IL1RAPL1: variants seen among roughly 807,000 people sequenced by gnomAD.
IL1RAPL1 encodes interleukin 1 receptor accessory protein like 1.
A neutral mutation model predicts 48.4 loss-of-function variants in IL1RAPL1; 3 were observed. The ratio of observed to expected loss-of-function variants is 0.06; its 90% CI spans 0.03 to 0.16. IL1RAPL1 has a LOEUF of 0.16. Among genes scored for constraint, IL1RAPL1 ranks in the 10% least tolerant of loss-of-function variants. The pLI is 1.00. For missense variants in IL1RAPL1, 349 were observed against 530.6 expected (o/e 0.66, Z 3.36); for synonymous variants, 185 against 187.7 (o/e 0.99, Z 0.12).
intron 5 of IL1RAPL1, among the ~76,000 whole-genome samples, chrX:29,610,564 G>T (rs917117365): frequency 8.9e-5 from 10 of 112,174 alleles, no homozygotes. Context: ...AACAGAAAAG[G>T]ATCCAATGTA....
At chrX:29,129,567 G>A (rs1602070620) in intron 2 of IL1RAPL1, among the ~76,000 whole-genome samples, 1 of 98,669 alleles carries the variant, frequency 1.0e-5, no homozygotes, top group Non-Finnish European at 2.1e-5. Flanking sequence ...TGAATTAACT[G>A]TATATGCAGA....
intron 5 of IL1RAPL1, among the ~76,000 whole-genome samples, chrX:29,497,975 T>G (rs1031103847): frequency 4.5e-5 from 5 of 111,918 alleles, no homozygotes; most frequent in Non-Finnish European, 7.5e-5. Flanking sequence ...ACAAAAATCT[T>G]AATGAGAAAG....
intron 2 of IL1RAPL1, among the ~76,000 whole-genome samples, chrX:29,058,352 A>G (rs34591970): frequency 0.14 from 14,997 of 110,470 alleles, 989 homozygotes; most frequent in Non-Finnish European, 0.2. Context: ...ACTCCAGCCT[A>G]GCGACAGAGT....
intron 8 of IL1RAPL1, among the ~76,000 whole-genome samples, chrX:29,935,391 T>C (rs2147248301): frequency 9.0e-6 from 1 of 111,484 alleles, no homozygotes; most frequent in African/African-American, 3.2e-5. Flanking sequence ...TCTAACTATA[T>C]CGTTCATTTC....
chrX:28,608,127 G>T (rs1601832723), intron 1 of IL1RAPL1, among the ~76,000 whole-genome samples: 1 of 111,752 alleles, frequency 8.9e-6, no homozygotes, highest in African/African-American at 3.2e-5. Flanking sequence ...CAGCTTTAGT[G>T]CCTTGTGTAC....
chrX:29,148,703 A>G (rs1929398454), intron 2 of IL1RAPL1, among the ~76,000 whole-genome samples: 1 of 111,885 alleles, frequency 8.9e-6, no homozygotes, highest in Non-Finnish European at 1.9e-5. Context: ...GAGCCAGCTG[A>G]AATCTTTGGA....
At chrX:29,244,299 A>G (rs1256584467) in intron 2 of IL1RAPL1, among the ~76,000 whole-genome samples, 1 of 112,261 alleles carries the variant, frequency 8.9e-6, no homozygotes, top group Non-Finnish European at 1.9e-5. Flanking sequence ...ATTAGAAAAC[A>G]GTTTTCCACA....
chrX:29,640,993 C>G (rs953901580), intron 5 of IL1RAPL1, among the ~76,000 whole-genome samples: 8 of 98,408 alleles, frequency 8.1e-5, no homozygotes, highest in Non-Finnish European at 1.6e-4. Flanking sequence ...AGTGAGAACC[C>G]CATCTCTTAA....
chrX:28,601,190 G>A (rs753697466), intron 1 of IL1RAPL1, among the ~76,000 whole-genome samples: 2 of 111,471 alleles, frequency 1.8e-5, no homozygotes, highest in Non-Finnish European at 3.8e-5. Flanking sequence ...GGAGGCTGAG[G>A]TGGGCGGATC....
At position 29,955,968 on chromosome X, in the gene IL1RAPL1, T is replaced by C. The variant is rs2147259492; in HGVS notation, c.*148T>C. 2.0e-6 allele frequency: 1 copy of C among 507,457 alleles called. No homozygotes were observed. The highest frequency in any genetic ancestry group is 3.6e-5 in the East Asian group (1 of 27,449). 41.8% of individuals were successfully genotyped at this position (507,457 alleles called of 1,213,427 possible). The stretch of plus-strand genomic sequence containing the variant: ...AAAACAGGGTCTTGTACATATGTTT[T>C]TTGGAATTTCTTTGTAGCATCAGTG... On this transcript the variant is annotated 3_prime_UTR_variant, in exon 11 of 11. Transcript: ENST00000378993.
chrX:29,200,562 G>C (rs1400920150), intron 2 of IL1RAPL1, among the ~76,000 whole-genome samples: 15 of 111,136 alleles, frequency 1.3e-4, no homozygotes, highest in African/African-American at 4.6e-4. Context: ...TGCCACAGTG[G>C]AACGTTTGCA....
chrX:28,981,670 C>T (rs1225444075), intron 2 of IL1RAPL1, among the ~76,000 whole-genome samples: 1 of 111,669 alleles, frequency 9.0e-6, no homozygotes, highest in Non-Finnish European at 1.9e-5. Flanking sequence ...CCTTGTCTTC[C>T]TGTTTACCAT....
intron 3 of IL1RAPL1, among the ~76,000 whole-genome samples, chrX:29,378,753 T>A (rs1472046192): frequency 3.6e-5 from 4 of 111,801 alleles, no homozygotes; most frequent in Non-Finnish European, 7.5e-5. Flanking sequence ...TTCCTTGCAT[T>A]TGCAGCCATG....
chrX:29,333,013 A>G (rs1281353494), intron 3 of IL1RAPL1, among the ~76,000 whole-genome samples: 3 of 112,023 alleles, frequency 2.7e-5, no homozygotes, highest in Admixed American at 1.9e-4. Flanking sequence ...TTTTCTTAGT[A>G]CAGAACAAAA....
intron 1 of IL1RAPL1, among the ~76,000 whole-genome samples, chrX:28,780,566 TAATA>T (rs370432969): frequency 9.0e-6 from 1 of 110,755 alleles, no homozygotes; most frequent in African/African-American, 3.3e-5. Context: ...ATTAGAATTA[TAATA>T]AATCATTCAG....
chrX:29,327,861 T>A (rs1057454406), intron 3 of IL1RAPL1, among the ~76,000 whole-genome samples: 10 of 110,665 alleles, frequency 9.0e-5, no homozygotes, highest in African/African-American at 3.3e-4. Flanking sequence ...ACTCCACCAT[T>A]GGAATGCTAA....
chrX:29,525,036 A>G (rs1935539223), intron 5 of IL1RAPL1, among the ~76,000 whole-genome samples: 1 of 112,413 alleles, frequency 8.9e-6, no homozygotes, highest in Admixed American at 9.4e-5. Context: ...TAAAACAAAC[A>G]CACTAAGTAG....
chrX:29,915,792 A>C (rs777904928), intron 6 of IL1RAPL1, among the ~76,000 whole-genome samples: 13 of 85,066 alleles, frequency 1.5e-4, no homozygotes, highest in Non-Finnish European at 2.4e-4. Flanking sequence ...GTACATGTGC[A>C]CATTGTGCAG....
intron 5 of IL1RAPL1, among the ~76,000 whole-genome samples, chrX:29,621,205 A>T (rs1324366670): frequency 8.9e-6 from 1 of 111,942 alleles, no homozygotes. Flanking sequence ...GTTCCAAAGT[A>T]AAAATCCACA....
Sources: gnomAD v4.1 joint callset for allele counts (sites outside exome capture counted in the v4.1 genomes callset) on GRCh38, gnomAD v4.1.1 for gene constraint, MANE v1.5 for transcripts, NCBI Gene and HGNC (gene_info 2026-07-23, HGNC 2026-07-21) for gene names.